The following TMEM50B variants were observed in gnomAD, a reference collection of about 807,000 sequenced individuals.
TMEM50B encodes HCV p7-trans-regulated protein 3.
A neutral mutation model predicts 23.4 loss-of-function variants in TMEM50B; 14 were observed. The observed-to-expected ratio is 0.60, with a 90% confidence interval of 0.39 to 0.93. The LOEUF (loss-of-function observed/expected upper bound fraction) is 0.93, where lower values mean the gene tolerates loss of function less well. TMEM50B is among the 40% of genes least tolerant of loss of function. The pLI is 0.00. For synonymous variants in TMEM50B, 64 were observed against 62.3 expected (o/e 1.03, Z -0.13); for missense variants, 159 against 193.0 (o/e 0.82, Z 1.04).
At chr21:33,465,162 T>G in intron 4 of TMEM50B, 180 bp downstream of exon 4, 1 of 502,648 alleles carries the variant, frequency 2.0e-6, no homozygotes, top group East Asian at 3.1e-5. Context: ...AAACAGTAAC[T>G]TCTAGCAATA....
At chr21:33,472,101 G>A (rs2084323005) in intron 1 of TMEM50B, among the ~76,000 whole-genome samples, 1 of 151,112 alleles carries the variant, frequency 6.6e-6, no homozygotes, top group African/African-American at 2.4e-5. Context: ...AAAATTAAAT[G>A]GGCCGGGCAG....
intron 1 of TMEM50B, among the ~76,000 whole-genome samples, chr21:33,478,130 G>C (rs998398041): frequency 6.6e-6 from 1 of 151,586 alleles, no homozygotes; most frequent in Admixed American, 6.6e-5. Flanking sequence ...GCAAGACTCT[G>C]TCTCAAAAAA....
intron 8 of TMEM50B, chr21:33,432,932 C>T (rs896429967): frequency 3.6e-5 from 50 of 1,391,944 alleles, no homozygotes; most frequent in Middle Eastern, 4.7e-4. Context: ...GTTGCCCAGG[C>T]GGGAGTGTCA....
chr21:33,446,655 C>CAAAAAAAAAAAAAAAAAAAAAAA (rs869154931), downstream of TMEM50B, among the ~76,000 whole-genome samples: 2 of 19,192 alleles, frequency 1.0e-4, no homozygotes, highest in Admixed American at 1.0e-3. Flanking sequence ...CACACACACA[C>CAAAAAAAAAAAAAAAAAAAAAAA]AAAAAAAAAA....
intron 5 of TMEM50B, among the ~76,000 whole-genome samples, chr21:33,456,697 A>T (rs983194528): frequency 6.6e-6 from 1 of 152,138 alleles, no homozygotes; most frequent in Non-Finnish European, 1.5e-5. Flanking sequence ...TAACTGTATG[A>T]CCTTGGGCAA....
intron 5 of TMEM50B, chr21:33,456,077 C>T (rs2123425889): frequency 1.6e-6 from 1 of 629,812 alleles, no homozygotes; most frequent in South Asian, 1.5e-5. Flanking sequence ...TAACTTGCTC[C>T]TTTGCCTCCT....
intron 3 of TMEM50B, among the ~76,000 whole-genome samples, chr21:33,466,274 C>G (rs1370738563): frequency 6.6e-6 from 1 of 152,018 alleles, no homozygotes; most frequent in Non-Finnish European, 1.5e-5. Context: ...AACAAAAAAA[C>G]CTCCTGATGG....
intron 3 of TMEM50B, 49 bp downstream of exon 3, chr21:33,466,961 A>C (rs746768310): frequency 4.0e-6 from 6 of 1,489,752 alleles, no homozygotes; most frequent in Non-Finnish European, 5.6e-6. Flanking sequence ...TTAACAGGAA[A>C]GTATTTTTAG....
chr21:33,461,931 T>C (rs2084220597), intron 4 of TMEM50B, among the ~76,000 whole-genome samples: 1 of 152,132 alleles, frequency 6.6e-6, no homozygotes, highest in Non-Finnish European at 1.5e-5. Context: ...TGAGGGCATA[T>C]TAACAAAAAG....
intron 3 of TMEM50B, 141 bp from the exon 4 acceptor site, chr21:33,465,550 T>C: frequency 1.7e-6 from 1 of 589,230 alleles, no homozygotes; most frequent in East Asian, 3.1e-5. Context: ...TTTAACCTAA[T>C]AAAAATGCTA....
intron 8 of TMEM50B, among the ~76,000 whole-genome samples, chr21:33,433,292 G>T (rs1222019428): frequency 6.6e-6 from 1 of 152,212 alleles, no homozygotes; most frequent in Non-Finnish European, 1.5e-5. Context: ...GTTACAAATG[G>T]TATGGGGTTG....
At chr21:33,456,450 G>T (rs545127829) in intron 5 of TMEM50B, among the ~76,000 whole-genome samples, 1 of 152,170 alleles carries the variant, frequency 6.6e-6, no homozygotes, top group South Asian at 2.1e-4. Context: ...AATCTATCCT[G>T]GAGGAAATGG....
chr21:33,435,708 C>T (rs1005712491), intron 8 of TMEM50B, among the ~76,000 whole-genome samples: 9 of 151,590 alleles, frequency 5.9e-5, no homozygotes, highest in Non-Finnish European at 1.3e-4. Context: ...CAGGGTGAAA[C>T]CCTGTCTCTA....
downstream of TMEM50B, among the ~76,000 whole-genome samples, chr21:33,448,462 A>AC (rs561441966): frequency 3.4e-3 from 510 of 149,922 alleles, 2 homozygotes; most frequent in African/African-American, 0.012. Context: ...GCATAGTGAG[A>AC]CCCCCGTCTC....
chr21:33,435,166 C>G (rs369031008), intron 8 of TMEM50B, among the ~76,000 whole-genome samples: 9 of 152,286 alleles, frequency 5.9e-5, no homozygotes, highest in Middle Eastern at 3.4e-3. Flanking sequence ...AAGCCTAAAG[C>G]CTGCGGGAGC....
chr21:33,470,244 G>T (rs758038028), intron 1 of TMEM50B, among the ~76,000 whole-genome samples: 2 of 151,964 alleles, frequency 1.3e-5, no homozygotes, highest in Non-Finnish European at 2.9e-5. Flanking sequence ...GGCCGAGGCG[G>T]GTGGATCATT....
chr21:33,464,601 T>C (rs2084247572), intron 4 of TMEM50B, among the ~76,000 whole-genome samples: 1 of 148,174 alleles, frequency 6.7e-6, no homozygotes, highest in South Asian at 2.1e-4. Context: ...AGGTCGGGAG[T>C]TCGAGACCAG....
intron 4 of TMEM50B, among the ~76,000 whole-genome samples, chr21:33,464,241 AGG>A (rs2084243499): frequency 6.8e-6 from 1 of 147,338 alleles, no homozygotes; most frequent in African/African-American, 2.5e-5. Flanking sequence ...CTTGTTGCCC[AGG>A]CTGGAGTCCA....
downstream of TMEM50B, among the ~76,000 whole-genome samples, chr21:33,447,322 T>TGTGGTGGTGCACACCTATA (rs1227396225): frequency 8.4e-6 from 1 of 118,606 alleles, no homozygotes; most frequent in East Asian, 3.0e-4. Context: ...GAGAGCTGAG[T>TGTGGTGGTGCACACCTATA]GTGGTGGTGC....
Sources: gnomAD v4.1 joint callset for allele counts (sites outside exome capture counted in the v4.1 genomes callset) on GRCh38, gnomAD v4.1.1 for gene constraint, MANE v1.5 for transcripts, NCBI Gene and HGNC (gene_info 2026-07-23, HGNC 2026-07-21) for gene names.